The following ACER2 variants were observed in gnomAD, a reference collection of about 807,000 sequenced individuals.
ACER2 encodes the protein alkaline ceramidase 2, also known as alkCDase 2.
In ACER2, 26 loss-of-function variants were observed where a neutral mutation model predicts 34.7. The observed-to-expected ratio is 0.75, with a 90% CI of 0.55 to 1.04. The LOEUF is 1.04. Among genes scored for constraint, ACER2 ranks in the 50% least tolerant of loss-of-function variants. The pLI is 0.00. For missense variants in ACER2, 352 were observed against 340.8 expected (o/e 1.03, Z -0.26); for synonymous variants, 138 against 132.1 (o/e 1.04, Z -0.31).
intron 1 of ACER2, among the ~76,000 whole-genome samples, chr9:19,413,822 C>A (rs150187865): frequency 3.3e-5 from 5 of 152,206 alleles, no homozygotes; most frequent in Non-Finnish European, 5.9e-5. Context: ...CCTGCTCTGT[C>A]CCCAGTCATC....
rs556822303 is a variant in ACER2, at chr9:19,446,576, C to G, written c.641+158C>G. 5 of 985,412 alleles carry G rather than the reference C, an allele frequency of 5.1e-6. No individual in the cohort carries two copies. In the African/African-American group the frequency reaches 8.7e-5, roughly 17 times the overall value. 61.0% of individuals were successfully genotyped at this position (985,412 alleles called of 1,614,324 possible). ...CAGATGGTTCAGAAGCCACTGAAAG[C>G]ACACTTTGTAAAAAGCTGAATTGAC... is the stretch of plus-strand genomic sequence containing the variant. On this transcript the variant is annotated intron_variant, in intron 5 of 5. Transcript: ENST00000340967.
intron 1 of ACER2, among the ~76,000 whole-genome samples, chr9:19,419,781 C>T (rs1158416259): frequency 6.6e-6 from 1 of 152,094 alleles, no homozygotes; most frequent in Non-Finnish European, 1.5e-5. Context: ...CAAAGCAAAA[C>T]AAAAACAAAG....
At chr9:19,435,160 C>A in intron 4 of ACER2, 76 bp downstream of exon 4, 5 of 1,533,666 alleles carry the variant, frequency 3.3e-6, no homozygotes, top group Non-Finnish European at 4.4e-6. Flanking sequence ...TCTTTGCTGT[C>A]CTGTAGCAGA....
chr9:19,434,598 C>T (rs1404631438), intron 3 of ACER2, among the ~76,000 whole-genome samples: 2 of 152,232 alleles, frequency 1.3e-5, no homozygotes, highest in Non-Finnish European at 2.9e-5. Flanking sequence ...CAGCGAAACC[C>T]CGTCTCCACC....
At chr9:19,432,207 G>C (rs1166119827) in intron 3 of ACER2, among the ~76,000 whole-genome samples, 7 of 152,134 alleles carry the variant, frequency 4.6e-5, no homozygotes, top group Non-Finnish European at 8.8e-5. Flanking sequence ...GTAAATTCTA[G>C]TGCATACTAG....
chr9:19,446,041 T>A, intron 4 of ACER2: 2 of 682,600 alleles, frequency 2.9e-6, no homozygotes, highest in East Asian at 5.4e-5. Flanking sequence ...AAAAATGTAG[T>A]TGGGTGTATG....
intron 4 of ACER2, among the ~76,000 whole-genome samples, chr9:19,442,101 A>T (rs1173112083): frequency 6.6e-6 from 1 of 152,228 alleles, no homozygotes; most frequent in African/African-American, 2.4e-5. Flanking sequence ...ACAAAAGTTT[A>T]TGCTGATTTT....
intron 1 of ACER2, among the ~76,000 whole-genome samples, chr9:19,421,794 G>C (rs997143645): frequency 6.6e-6 from 1 of 151,884 alleles, no homozygotes; most frequent in African/African-American, 2.4e-5. Flanking sequence ...AAAAAGCTTT[G>C]AGTCTGTGAA....
intron 3 of ACER2, among the ~76,000 whole-genome samples, chr9:19,425,848 G>T (rs1830541992): frequency 6.6e-6 from 1 of 152,180 alleles, no homozygotes; most frequent in Non-Finnish European, 1.5e-5. Flanking sequence ...TGAAACTATG[G>T]ATTCAGTGAA....
At chr9:19,412,936 T>G (rs1290331994) in intron 1 of ACER2, among the ~76,000 whole-genome samples, 1 of 152,214 alleles carries the variant, frequency 6.6e-6, no homozygotes, top group African/African-American at 2.4e-5. Context: ...TTTTGGTTTT[T>G]GAACAGTGAT....
chr9:19,418,628 A>T (rs1186671365), intron 1 of ACER2, among the ~76,000 whole-genome samples: 2 of 152,150 alleles, frequency 1.3e-5, no homozygotes, highest in Non-Finnish European at 2.9e-5. Context: ...GTTCTCACTC[A>T]TAAGTGGGAG....
chr9:19,441,888 A>G (rs543401064), intron 4 of ACER2, among the ~76,000 whole-genome samples: 3 of 152,290 alleles, frequency 2.0e-5, no homozygotes, highest in Admixed American at 6.5e-5. Flanking sequence ...CCTGGTTGTC[A>G]CCTGCAATGA....
intron 1 of ACER2, among the ~76,000 whole-genome samples, chr9:19,422,787 T>G (rs1241334270): frequency 6.6e-6 from 1 of 151,808 alleles, no homozygotes; most frequent in Non-Finnish European, 1.5e-5. Context: ...TCCCAGAACT[T>G]TGGGAGGCCT....
intron 4 of ACER2, among the ~76,000 whole-genome samples, chr9:19,441,208 C>T (rs1039336664): frequency 6.6e-6 from 1 of 152,054 alleles, no homozygotes; most frequent in African/African-American, 2.4e-5. Flanking sequence ...TGCCACCATG[C>T]CTGGCTACTT....
At chr9:19,435,489 T>G (rs1050832167) in intron 4 of ACER2, among the ~76,000 whole-genome samples, 1 of 152,210 alleles carries the variant, frequency 6.6e-6, no homozygotes, top group Admixed American at 6.6e-5. Flanking sequence ...TGGACTGCAG[T>G]TGACTATGAT....
intron 1 of ACER2, among the ~76,000 whole-genome samples, chr9:19,421,359 A>T (rs928642549): frequency 2.6e-5 from 4 of 152,246 alleles, no homozygotes; most frequent in South Asian, 2.1e-4. Flanking sequence ...ATGTATGAAT[A>T]GACAAAATAA....
At chr9:19,437,170 A>G (rs575160154) in intron 4 of ACER2, among the ~76,000 whole-genome samples, 1 of 152,196 alleles carries the variant, frequency 6.6e-6, no homozygotes, top group African/African-American at 2.4e-5. Context: ...GTCCAGTTTC[A>G]TATTCCCAGC....
intron 4 of ACER2, among the ~76,000 whole-genome samples, chr9:19,437,335 T>G (rs1279600893): frequency 6.6e-6 from 1 of 152,234 alleles, no homozygotes; most frequent in Non-Finnish European, 1.5e-5. Context: ...CACTATTTTC[T>G]GACTCCATTA....
intron 1 of ACER2, among the ~76,000 whole-genome samples, chr9:19,414,277 T>C (rs997482214): frequency 6.6e-6 from 1 of 152,168 alleles, no homozygotes; most frequent in African/African-American, 2.4e-5. Context: ...GGACAGACAA[T>C]CCACTCAGCC....
Sources: allele counts gnomAD v4.1 joint callset (sites outside exome capture counted in the v4.1 genomes callset), GRCh38; gene constraint gnomAD v4.1.1; transcripts MANE v1.5; gene names NCBI Gene and HGNC (gene_info 2026-07-23, HGNC 2026-07-21).